MYO19: variants seen among roughly 807,000 people sequenced by gnomAD.
MYO19 encodes myosin XIX.
MYO19 carries 132 observed loss-of-function variants against 129.2 expected under a neutral mutation model. That is an observed-to-expected ratio of 1.02 (90% CI 0.89 to 1.18). MYO19 has a LOEUF of 1.18. Ranked by LOEUF, MYO19 falls within the 50% of genes most tolerant of loss-of-function variation. The pLI is 0.00. For synonymous variants in MYO19, 531 were observed against 477.2 expected, an observed-to-expected ratio of 1.11 and a Z score of -1.47; for missense variants, 1,210 against 1,216.7, an observed-to-expected ratio of 0.99 and a Z score of 0.08.
In MYO19 at chr17:36,532,602, A is replaced by T. The variant is rs1168989354; in HGVS notation, c.-64T>A. 1 of 1,542,432 alleles carries T rather than the reference A, an allele frequency of 6.5e-7. No homozygotes were observed. Among genetic ancestry groups the T allele is most frequent in the Non-Finnish European group, 8.8e-7 (1 of 1,138,760 alleles). On this transcript the variant is annotated 5_prime_UTR_variant, in exon 3 of 26. Coordinates refer to ENST00000614623, the MANE Select transcript of MYO19 (RefSeq NM_001163735.2). ...GAGGTACAAGGAGTACTATCCACCT[A>T]GTCATGGGACCATGGGCTGGGGTAT...
chr17:36,499,209 G>T lies in MYO19; in HGVS notation c.2378-49C>A, dbSNP rs1206726798. 2.8e-6 allele frequency: 4 copies of T among 1,442,386 alleles called. No individual in the cohort carries two copies. In the African/African-American group the frequency reaches 4.2e-5, roughly 15 times the overall value. 89.3% of individuals were successfully genotyped at this position (1,442,386 alleles called of 1,614,324 possible). On this transcript the variant is annotated intron_variant, in intron 23 of 25. Coordinates refer to ENST00000614623, the MANE Select transcript of MYO19 (RefSeq NM_001163735.2). The stretch of plus-strand genomic sequence containing the variant: ...GAAAGAGATAATAAAGGGGCCATTA[G>T]AGCTGTCAGTGACCTCGCTGCAGCA...
intron 18 of MYO19, among the ~76,000 whole-genome samples, chr17:36,506,020 A>C (rs1431959797): frequency 1.3e-5 from 2 of 152,188 alleles, no homozygotes; most frequent in Non-Finnish European, 2.9e-5. Flanking sequence ...GGTGGAGCTG[A>C]TGGGGCAGTA....
chr17:36,541,948 T>TA (rs1599482653), intron 2 of MYO19: 4 of 152,172 alleles, frequency 2.6e-5, no homozygotes, highest in African/African-American at 9.7e-5. Flanking sequence ...TGCCATGAAA[T>TA]AATTTTCTAA....
chr17:36,512,320 A>C (rs543384378), intron 11 of MYO19, among the ~76,000 whole-genome samples: 1 of 148,672 alleles, frequency 6.7e-6, no homozygotes, highest in East Asian at 2.0e-4. Flanking sequence ...ACCCGGGAAG[A>C]GGAGGTTGCA....
chr17:36,507,109 C>G lies in MYO19; in HGVS notation c.1498G>C (p.Ala500Pro), dbSNP rs200173001. 1.1e-5 allele frequency: 17 copies of G among 1,609,330 alleles called. No individual in the cohort carries two copies. The highest frequency in any genetic ancestry group is 1.4e-5 in the Non-Finnish European group (16 of 1,176,448). ...GTCTCAATGCGTGTCTGGAGCTGGGCTGCGCTGCTGGGTCGATTGAGGCGG... is the reference window on the plus strand; with the variant it reads ...GTCTCAATGCGTGTCTGGAGCTGGGGTGCGCTGCTGGGTCGATTGAGGCGG... ...ECRLNRPSSA[A>P]QLQTRIETAL... The change falls in exon 17 of 26, where the codon GCC becomes CCC. Residue 500 changes from alanine to proline, a missense_variant. Physicochemically the swap from Ala to Pro is conservative, Grantham distance 27. Transcript: ENST00000614623.
chr17:36,520,264 C>T (rs1428517854), intron 6 of MYO19, among the ~76,000 whole-genome samples: 1 of 152,226 alleles, frequency 6.6e-6, no homozygotes, highest in African/African-American at 2.4e-5. Flanking sequence ...GCGTGAACTA[C>T]TGCACCTGGT....
intron 14 of MYO19, chr17:36,508,169 G>A (rs2072053760): frequency 5.6e-6 from 2 of 359,726 alleles, no homozygotes; most frequent in African/African-American, 2.1e-5. Flanking sequence ...CAAATGAAGT[G>A]TGAAGACAGC....
chr17:36,544,571 TC>T (rs34213277), upstream of MYO19, among the ~76,000 whole-genome samples: 1 of 152,112 alleles, frequency 6.6e-6, no homozygotes, highest in Non-Finnish European at 1.5e-5. Flanking sequence ...CTGAAAGAAT[TC>T]CCCTTTGAGA....
Position 36,498,521 on chromosome 17 carries a change from A to ACCAT in MYO19, c.2498_2501dup (p.Val835TrpfsTer66). ...CTTGAGAGAAGTGTTTTTCTTCCACACCATCCAGCTCTTTAGCAGCAAGGC... is the reference window on the plus strand; with the variant it reads ...CTTGAGAGAAGTGTTTTTCTTCCACACCATCCATCCAGCTCTTTAGCAGCAAGGC... On this transcript the variant is annotated frameshift_variant, in exon 25 of 26. Transcript: ENST00000614623. LOFTEE classifies it high-confidence loss of function. 6.2e-7 allele frequency: 1 copy of ACCAT among 1,613,868 alleles called. No individual in the cohort carries two copies. Among genetic ancestry groups the ACCAT allele is most frequent in the Non-Finnish European group, 8.5e-7 (1 of 1,179,762 alleles).
intron 21 of MYO19, chr17:36,501,487 C>T (rs2071529385): frequency 2.6e-6 from 1 of 390,672 alleles, no homozygotes; most frequent in African/African-American, 2.0e-5. Flanking sequence ...GTCCCACAGC[C>T]TCTACTGCCA....
intron 10 of MYO19, 40 bp from the exon 11 acceptor site, chr17:36,513,545 G>A (rs748374546): frequency 3.7e-6 from 6 of 1,613,782 alleles, no homozygotes; most frequent in Non-Finnish European, 5.1e-6. Context: ...GTCAGCAGCA[G>A]CAAGATGCGA....
chr17:36,500,301 A>C (rs1268080823), intron 23 of MYO19: 1 of 152,822 alleles, frequency 6.5e-6, no homozygotes, highest in South Asian at 2.1e-4. Flanking sequence ...CTTCAAAAAC[A>C]CTTAGCTGCA....
rs189856865 is a variant in MYO19 at position 36,518,766 on chromosome 17, T to A, written c.415-2776A>T. ...CAATTTAAAAAATAAGATGGTAGAT[T>A]TAAACCCAGGCATAGTGAGATAGAT... On this transcript the variant is annotated intron_variant, in intron 6 of 25. Coordinates refer to ENST00000614623, the MANE Select transcript of MYO19 (RefSeq NM_001163735.2). Among the ~76,000 whole-genome samples, 480 of 151,544 alleles carry A rather than the reference T, an allele frequency of 3.2e-3. 1 individual carries two copies. Among genetic ancestry groups the A allele is most frequent in the Middle Eastern group, 0.01 (3 of 294 alleles).
Position 36,507,825 on chromosome 17 carries a change from G to A in MYO19, c.1331C>T (p.Ala444Val), listed in dbSNP as rs1245439441. ...ANEKLQQHFVAHYLRAQQEEY... is the reference protein window; with the variant it reads ...ANEKLQQHFVVHYLRAQQEEY... ...CACCTGCTGGGCCCTTAGGTAGTGA[G>A]CCACAAAATGCTGCTGCAGCTTCTC... Residue 444 changes from alanine (A) to valine (V), a missense_variant, in exon 15 of 26, where the codon GCT becomes GTT. Coordinates refer to ENST00000614623, the MANE Select transcript of MYO19 (RefSeq NM_001163735.2). 2 of 1,613,134 alleles carry A rather than the reference G, an allele frequency of 1.2e-6. No homozygotes were observed. The highest frequency in any genetic ancestry group is 8.5e-7 in the Non-Finnish European group (1 of 1,179,358).
upstream of MYO19, chr17:36,537,771 G>T (rs2074163013): frequency 6.2e-7 from 1 of 1,613,990 alleles, no homozygotes; most frequent in African/African-American, 1.3e-5. Flanking sequence ...AAAATCAATA[G>T]GCTATCAGGA....
intron 19 of MYO19, 112 bp from the exon 20 acceptor site, chr17:36,504,132 C>G: frequency 1.3e-6 from 1 of 798,678 alleles, no homozygotes; most frequent in Non-Finnish European, 1.9e-6. Context: ...GCTGCAGGCT[C>G]TCCCAAGGCT....
chr17:36,537,140 C>A, upstream of MYO19: 1 of 1,609,906 alleles, frequency 6.2e-7, no homozygotes, highest in Admixed American at 1.7e-5. Context: ...TTGTCAGTAA[C>A]CTCAATGGAA....
intron 25 of MYO19, chr17:36,497,919 T>C (rs941028084): frequency 3.8e-6 from 1 of 263,302 alleles, no homozygotes; most frequent in Admixed American, 4.8e-5. Flanking sequence ...TGCTCCTGAC[T>C]CATCTAAAGC....
upstream of MYO19, chr17:36,538,589 G>A: frequency 6.2e-7 from 1 of 1,611,590 alleles, no homozygotes; most frequent in Non-Finnish European, 8.5e-7. Context: ...TACTATATTT[G>A]CAAGATAAGA....
Sources: gnomAD v4.1 joint callset for allele counts (sites outside exome capture counted in the v4.1 genomes callset) on GRCh38, gnomAD v4.1.1 for gene constraint, MANE v1.5 for transcripts, NCBI Gene and HGNC (gene_info 2026-07-23, HGNC 2026-07-21) for gene names.